ACOX2: variants seen among roughly 807,000 people sequenced by gnomAD.
The protein encoded by ACOX2 is acyl-CoA oxidase 2.
In ACOX2, 59 loss-of-function variants were observed where a neutral mutation model predicts 77.5. The observed-to-expected ratio is 0.76, with a 90% CI of 0.62 to 0.95. ACOX2 has a LOEUF of 0.95. Among genes scored for constraint, ACOX2 ranks in the 40% least tolerant of loss-of-function variants. The probability of loss-of-function intolerance (pLI) is 0.00; values close to 1 mark genes in which losing one functional copy is unlikely to be tolerated. For missense variants in ACOX2, 837 were observed against 880.4 expected, an observed-to-expected ratio of 0.95 and a Z score of 0.62; for synonymous variants, 317 against 340.1, an observed-to-expected ratio of 0.93 and a Z score of 0.75.
In ACOX2 at chr3:58,528,843, T is replaced by C. The variant is rs1560218570; in HGVS notation, c.1106A>G (p.Gln369Arg). 6.2e-7 allele frequency: 1 copy of C among 1,613,728 alleles called. No homozygotes were observed. The highest frequency in any genetic ancestry group is 8.5e-7 in the Non-Finnish European group (1 of 1,179,836). ...FLAVSLLEFF[Q>R]HSYTAILNQD... ...GTTCAGAATGGCAGTGTAGGAGTGC[T>C]GGAAGAACTCCAAGAGGCTGACTGC... is the stretch of plus-strand genomic sequence containing the variant. Residue 369 changes from glutamine (Q) to arginine (R), a missense_variant, in exon 9 of 15, where the codon CAG (glutamine) becomes CGG (arginine). By Grantham distance (43) the Gln-to-Arg change is conservative. Coordinates refer to ENST00000302819, the MANE Select transcript of ACOX2 (RefSeq NM_003500.4). This position sits in a 1 kb window ranked among gnomAD's most constrained non-coding sequence, Gnocchi z 5.6.
intron 14 of ACOX2, among the ~76,000 whole-genome samples, chr3:58,506,743 G>A (rs183723446): frequency 5.3e-4 from 81 of 152,276 alleles, no homozygotes; most frequent in Non-Finnish European, 7.8e-4. Context: ...AGTGAGCCGC[G>A]GTTGTGCCAC....
rs1696617650 is a variant in ACOX2, at chr3:58,535,697, C to G, written c.-91-500G>C. On this transcript the variant is annotated intron_variant, in intron 1 of 14. Coordinates refer to ENST00000302819, the MANE Select transcript of ACOX2 (RefSeq NM_003500.4). The surrounding 1 kb of genome is among the most constrained non-coding windows in gnomAD (Gnocchi z 4.8). ...ATCACTCAGCTCCATTTCTATGAGCCCTGCAGGTATATTGTGGAACTGAAG... is the reference window on the plus strand; with the variant it reads ...ATCACTCAGCTCCATTTCTATGAGCGCTGCAGGTATATTGTGGAACTGAAG... 6.6e-6 allele frequency among the ~76,000 whole-genome samples: 1 copy of G among 152,078 alleles called. No homozygotes were observed. Among genetic ancestry groups the G allele is most frequent in the African/African-American group, 2.4e-5 (1 of 41,394 alleles).
In ACOX2 at chr3:58,525,414, G is replaced by A. The variant is rs1005227360; in HGVS notation, c.1347-809C>T. On this transcript the variant is annotated intron_variant, in intron 10 of 14. Transcript: ENST00000302819. This position sits in a 1 kb window ranked among gnomAD's most constrained non-coding sequence, Gnocchi z 5.0. Reference sequence around the variant, plus strand: ...GAATAGGTGAGGATGAGGCTCTGTCGGCCTCCAGGGCCCACAGACCTAAGA... The same window carrying A: ...GAATAGGTGAGGATGAGGCTCTGTCAGCCTCCAGGGCCCACAGACCTAAGA... Among the ~76,000 whole-genome samples the A allele has an allele frequency of 2.6e-5, 4 of 152,160 alleles. No individual in the cohort carries two copies. Among genetic ancestry groups the A allele is most frequent in the African/African-American group, 7.2e-5 (3 of 41,454 alleles).
In ACOX2 at chr3:58,517,336, G is replaced by A. The variant is rs151184272; in HGVS notation, c.1720C>T (p.Arg574Cys). The change falls in exon 13 of 15, where the codon CGC (arginine) becomes TGC (cysteine). Residue 574 changes from arginine to cysteine, a missense_variant. Arg to Cys is a radical substitution (Grantham distance 180). Coordinates refer to ENST00000302819, the MANE Select transcript of ACOX2 (RefSeq NM_003500.4). ...TGTATGGCATGGAGGTCACAGAGGC[G>A]CTTGAGCACCTGCTGAATCGCTGGT... ...NEPAIQQVLK[R>C]LCDLHAIHGI... 257 of 1,614,142 alleles carry A rather than the reference G, an allele frequency of 1.6e-4. 1 individual carries two copies. In the African/African-American group the frequency reaches 3.0e-3, roughly 19 times the overall value.
rs113257449 is a variant in ACOX2 at position 58,534,160 on chromosome 3, T to G, written c.324-15A>C. ...CAGAAAGGGCTCTGTTGGGGAGAGATGCTGTAGTTGAGTAGCTTATTGGAG... is the reference window on the plus strand; with the variant it reads ...CAGAAAGGGCTCTGTTGGGGAGAGAGGCTGTAGTTGAGTAGCTTATTGGAG... On this transcript the variant is annotated splice_polypyrimidine_tract_variant and intron_variant, in intron 3 of 14. Coordinates refer to ENST00000302819, the MANE Select transcript of ACOX2 (RefSeq NM_003500.4). This position sits in a 1 kb window ranked among gnomAD's most constrained non-coding sequence, Gnocchi z 4.8. The G allele has an allele frequency of 2.2e-3, 3,589 of 1,613,776 alleles. 63 individuals are homozygous for G. In the African/African-American group the frequency reaches 0.039, roughly 17 times the overall value.
In ACOX2 at chr3:58,523,689, TC is replaced by T. The variant is rs2108000712; in HGVS notation, c.1526+736del. Among the ~76,000 whole-genome samples, 1 of 152,304 alleles carries T rather than the reference TC, an allele frequency of 6.6e-6. No individual in the cohort carries two copies. The highest frequency in any genetic ancestry group is 1.5e-5 in the Non-Finnish European group (1 of 68,034). On this transcript the variant is annotated intron_variant, in intron 11 of 14. Transcript: ENST00000302819. The surrounding 1 kb of genome is among the most constrained non-coding windows in gnomAD (Gnocchi z 5.3). ...GTCTCAAACTCCTGAGCTCAAGCAA[TC>T]CGCCCACCTCGACCTCCCAAAGTGC...
chr3:58,520,557 C>T (rs905484830), intron 12 of ACOX2, among the ~76,000 whole-genome samples: 13 of 152,374 alleles, frequency 8.5e-5, no homozygotes, highest in Admixed American at 1.3e-4. Flanking sequence ...GAATTTAGCC[C>T]GTGGCTCCCC....
Position 58,505,148 on chromosome 3 carries a change from TTTTA to T in ACOX2, c.*72_*75del. ...TAAAACATAAATATCTAATTTAAAA[TTTTA>T]ATGTTGCATATATGCCATAGTACCA... On this transcript the variant is annotated 3_prime_UTR_variant, in exon 15 of 15. Transcript: ENST00000302819. The surrounding 1 kb of genome is among the most constrained non-coding windows in gnomAD (Gnocchi z 4.4). 1 of 1,240,634 alleles carries T rather than the reference TTTTA, an allele frequency of 8.1e-7. No homozygotes were observed. The highest frequency in any genetic ancestry group is 1.1e-6 in the Non-Finnish European group (1 of 873,258). 76.9% of individuals were successfully genotyped at this position (1,240,634 alleles called of 1,614,324 possible).
intron 7 of ACOX2, 108 bp from the exon 8 acceptor site, chr3:58,530,746 C>A: frequency 7.6e-7 from 1 of 1,313,764 alleles, no homozygotes; most frequent in South Asian, 1.4e-5. Flanking sequence ...CGCCCCTCAA[C>A]CGGCGCATCT....
At chr3:58,510,581 T>C (rs1404657716) in intron 13 of ACOX2, among the ~76,000 whole-genome samples, 2 of 133,566 alleles carry the variant, frequency 1.5e-5, no homozygotes, top group Non-Finnish European at 3.1e-5. Context: ...TGCAGTGAGC[T>C]GAGATCGTGC....
intron 9 of ACOX2, among the ~76,000 whole-genome samples, chr3:58,527,707 CAGCGTCT>C (rs2063406630): frequency 2.6e-5 from 4 of 152,052 alleles, no homozygotes; most frequent in African/African-American, 9.7e-5. Flanking sequence ...TTTTTTGAGA[CAGCGTCT>C]CACTCTGCTG....
At position 58,524,256 on chromosome 3, in the gene ACOX2, C is replaced by T. The variant is rs1288107645; in HGVS notation, c.1526+170G>A. Among the ~76,000 whole-genome samples, 1 of 152,204 alleles carries T rather than the reference C, an allele frequency of 6.6e-6. No homozygotes were observed. The highest frequency in any genetic ancestry group is 2.4e-5 in the African/African-American group (1 of 41,452). On this transcript the variant is annotated intron_variant, in intron 11 of 14. Transcript: ENST00000302819. The surrounding 1 kb of genome is among the most constrained non-coding windows in gnomAD (Gnocchi z 5.5). ...GGGGGTCCATGGCTGATGGGGGGGA[C>T]ATCCCCTCTCTCTGCCCATGGTGGC...
rs2063344701 is a variant in ACOX2, at chr3:58,519,529, G to A, written c.1633-2106C>T. Among the ~76,000 whole-genome samples, 1 of 152,190 alleles carries A rather than the reference G, an allele frequency of 6.6e-6. No homozygotes were observed. The highest frequency in any genetic ancestry group is 1.5e-5 in the Non-Finnish European group (1 of 68,032). Reference sequence around the variant, plus strand: ...GCAGGCAATTTAATGAGGCTGAAGTGTGGTGGTATAATGAGGTGATGATGG... The same window carrying A: ...GCAGGCAATTTAATGAGGCTGAAGTATGGTGGTATAATGAGGTGATGATGG... On this transcript the variant is annotated intron_variant, in intron 12 of 14. Coordinates refer to ENST00000302819, the MANE Select transcript of ACOX2 (RefSeq NM_003500.4). The surrounding 1 kb of genome is among the most constrained non-coding windows in gnomAD (Gnocchi z 5.0).
chr3:58,527,907 G>C (rs1226678288), intron 9 of ACOX2, among the ~76,000 whole-genome samples: 1 of 145,102 alleles, frequency 6.9e-6, no homozygotes, highest in African/African-American at 2.6e-5. Flanking sequence ...TCACCATCTT[G>C]CTCAGGCTGG....
At position 58,526,742 on chromosome 3, in the gene ACOX2, C is replaced by T; in HGVS notation, c.1156-86G>A. On this transcript the variant is annotated intron_variant, in intron 9 of 14. Coordinates refer to ENST00000302819, the MANE Select transcript of ACOX2 (RefSeq NM_003500.4). This position sits in a 1 kb window ranked among gnomAD's most constrained non-coding sequence, Gnocchi z 4.3. ...CTGTGCACCACTTACTGAGCATCTA[C>T]TCATGCCCAGCTCAGCTCTGAGGTA... 5.0e-6 allele frequency: 7 copies of T among 1,404,426 alleles called. No homozygotes were observed. Among genetic ancestry groups the T allele is most frequent in the Non-Finnish European group, 6.8e-6 (7 of 1,022,878 alleles). 87.0% of individuals were successfully genotyped at this position (1,404,426 alleles called of 1,614,324 possible). A position where few individuals can be genotyped will look rare whatever the true frequency, so the allele number is the denominator to read the frequency against.
chr3:58,530,665 T>G, intron 7 of ACOX2, 27 bp from the exon 8 acceptor site: 2 of 1,605,172 alleles, frequency 1.2e-6, no homozygotes, highest in Non-Finnish European at 1.7e-6. Flanking sequence ...CGGGCACAAG[T>G]TCTGGGCCAA....
In ACOX2 at chr3:58,534,077, G is replaced by A; in HGVS notation, c.392C>T (p.Ser131Leu). The A allele has an allele frequency of 6.2e-7, 1 of 1,614,176 alleles. No homozygotes were observed. The highest frequency in any genetic ancestry group is 8.5e-7 in the Non-Finnish European group (1 of 1,180,030). ...VFVRALRSLG[S>L]EEQIAKWDPL... ...GTCCCATTTGGCAATCTGCTCCTCTGAGCCCAGGCTCCTGAGGGCTCTCAC... is the reference window on the plus strand; with the variant it reads ...GTCCCATTTGGCAATCTGCTCCTCTAAGCCCAGGCTCCTGAGGGCTCTCAC... Residue 131 changes from serine to leucine, a missense_variant, in exon 4 of 15, where the codon TCA becomes TTA. Transcript: ENST00000302819. The surrounding 1 kb of genome is among the most constrained non-coding windows in gnomAD (Gnocchi z 4.8).
Position 58,528,909 on chromosome 3 carries a change from A to T in ACOX2, c.1040T>A (p.Leu347His). ...ATAACTGATGGCCAGCTGAGGAAAG[A>T]GTTTCTGCTGTTGTGTCTGGTAGTC... ...VLDYQTQQQK[L>H]FPQLAISYAF... is the part of the protein sequence containing the mutation. The change falls in exon 9 of 15, where the codon CTC (leucine) becomes CAC (histidine). Residue 347 changes from leucine to histidine, a missense_variant. Leu to His is a moderately conservative substitution (Grantham distance 99, BLOSUM62 -3). Coordinates refer to ENST00000302819, the MANE Select transcript of ACOX2 (RefSeq NM_003500.4). This position sits in a 1 kb window ranked among gnomAD's most constrained non-coding sequence, Gnocchi z 5.6. The T allele has an allele frequency of 6.2e-7, 1 of 1,613,666 alleles. No individual in the cohort carries two copies. The highest frequency in any genetic ancestry group is 8.5e-7 in the Non-Finnish European group (1 of 1,179,804).
chr3:58,528,698 G>A lies in ACOX2; in HGVS notation c.1155+96C>T. Reference sequence around the variant, plus strand: ...GCTGGGAGAGGTGGGGGTGGGGAGTGCCCATGGGGATGGGGCTGTGGCTGC... The same window carrying A: ...GCTGGGAGAGGTGGGGGTGGGGAGTACCCATGGGGATGGGGCTGTGGCTGC... On this transcript the variant is annotated intron_variant, in intron 9 of 14. Coordinates refer to ENST00000302819, the MANE Select transcript of ACOX2 (RefSeq NM_003500.4). This position sits in a 1 kb window ranked among gnomAD's most constrained non-coding sequence, Gnocchi z 5.6. 1 of 1,410,554 alleles carries A rather than the reference G, an allele frequency of 7.1e-7. No homozygotes were observed. The highest frequency in any genetic ancestry group is 9.4e-7 in the Non-Finnish European group (1 of 1,067,676). The allele number at this position is 1,410,554 out of a possible 1,614,324, so 87.4% of individuals were successfully genotyped here.
Sources: gnomAD v4.1 joint callset for allele counts (sites outside exome capture counted in the v4.1 genomes callset) on GRCh38, gnomAD v4.1.1 for gene constraint, Gnocchi (gnomAD v3.1) non-coding constraint, MANE v1.5 for transcripts, NCBI Gene and HGNC (gene_info 2026-07-23, HGNC 2026-07-21) for gene names.